The following YES1 variants were observed in gnomAD, a reference collection of about 807,000 sequenced individuals.
The protein encoded by YES1 is YES proto-oncogene 1, Src family tyrosine kinase, also known as tyrosine-protein kinase Yes.
In YES1, 39 loss-of-function variants were observed where a neutral mutation model predicts 70.4. The ratio of observed to expected loss-of-function variants is 0.55; its 90% CI spans 0.43 to 0.72. YES1 has a LOEUF of 0.72. YES1 is among the 30% of genes least tolerant of loss of function. YES1 has a pLI of 0.00. For synonymous variants in YES1, 198 were observed against 218.6 expected (o/e 0.91, Z 0.83); for missense variants, 495 against 644.8 (o/e 0.77, Z 2.52).
chr18:781,172 G>A lies in YES1; in HGVS notation c.-8-24337C>T, dbSNP rs142427187. Among the ~76,000 whole-genome samples the A allele has an allele frequency of 1.9e-3, 279 of 150,762 alleles. 1 individual carries two copies. Among genetic ancestry groups the A allele is most frequent in the Admixed American group, 3.3e-3 (50 of 14,934 alleles). ...TAATCCCAGCTACTCAGGAGGCTGA[G>A]GCAGAAGAATTGCTTGAACCTGGGA... On this transcript the variant is annotated intron_variant, in intron 1 of 11. Transcript: ENST00000314574.
intron 1 of YES1, among the ~76,000 whole-genome samples, chr18:783,653 G>A (rs548253335): frequency 3.5e-5 from 5 of 141,582 alleles, no homozygotes; most frequent in Admixed American, 2.9e-4. Context: ...TTTCACTCCT[G>A]TTGCCCAGGC....
At chr18:789,320 G>A (rs114591359) in intron 1 of YES1, among the ~76,000 whole-genome samples, 3,598 of 152,156 alleles carry the variant, frequency 0.024, 152 homozygotes, top group African/African-American at 0.082. Context: ...GGTGACTCAC[G>A]CATGTAATCC....
At chr18:757,285 C>T (rs368519340) in intron 1 of YES1, among the ~76,000 whole-genome samples, 334 of 151,706 alleles carry the variant, frequency 2.2e-3, no homozygotes, top group East Asian at 0.014. Flanking sequence ...GGGCGGATCA[C>T]GAGGTCAGGA....
chr18:809,270 A>C (rs1907252978), intron 1 of YES1, among the ~76,000 whole-genome samples: 1 of 152,182 alleles, frequency 6.6e-6, no homozygotes, highest in Non-Finnish European at 1.5e-5. Context: ...ATTTTTTCCC[A>C]AAAATTCTCT....
At chr18:787,097 T>C in intron 1 of YES1, among the ~76,000 whole-genome samples, 1 of 122,364 alleles carries the variant, frequency 8.2e-6, no homozygotes, top group South Asian at 3.1e-4. Context: ...TTTTTTTTTT[T>C]TTTTTTTTTT....
intron 1 of YES1, among the ~76,000 whole-genome samples, chr18:762,179 G>A (rs1008350804): frequency 6.6e-6 from 1 of 152,230 alleles, no homozygotes; most frequent in African/African-American, 2.4e-5. Flanking sequence ...AATTAGCTGG[G>A]CGTGGTGGCC....
Position 744,732 on chromosome 18 carries a change from C to T in YES1, c.724+976G>A, listed in dbSNP as rs190403819. Among the ~76,000 whole-genome samples the T allele has an allele frequency of 1.7e-4, 19 of 109,790 alleles. No individual in the cohort carries two copies. The Admixed American group carries it at 2.4e-3, about 14-fold the overall frequency. The allele number at this position is 109,790 out of a possible 152,430, so 72.0% of individuals were successfully genotyped here. A position where few individuals can be genotyped will look rare whatever the true frequency, so the allele number is the denominator to read the frequency against. Reference sequence around the variant, plus strand: ...TTTTTTTTTAAGAGATGAGGTCTTGCTATGTTGCCCAGGCTGTTCTTGAAC... The same window carrying T: ...TTTTTTTTTAAGAGATGAGGTCTTGTTATGTTGCCCAGGCTGTTCTTGAAC... On this transcript the variant is annotated intron_variant, in intron 6 of 11. Coordinates refer to ENST00000314574, the MANE Select transcript of YES1 (RefSeq NM_005433.4).
chr18:763,984 G>GTACA (rs1414681917), intron 1 of YES1, among the ~76,000 whole-genome samples: 1 of 151,810 alleles, frequency 6.6e-6, no homozygotes, highest in African/African-American at 2.4e-5. Context: ...AGCGGGGTGT[G>GTACA]GTGGCGGGCA....
Position 723,565 on chromosome 18 carries a change from G to T in YES1, c.*859C>A, listed in dbSNP as rs55771020. 1 of 152,450 alleles carries T rather than the reference G, an allele frequency of 6.6e-6. No individual in the cohort carries two copies. The highest frequency in any genetic ancestry group is 2.4e-5 in the African/African-American group (1 of 41,400). 9.4% of individuals were successfully genotyped at this position (152,450 alleles called of 1,614,324 possible). ...AGTACGAAGTCTAGTTTTTAAAAAG[G>T]GCTTTTAAAATGCTGGGTCTTACTT... On this transcript the variant is annotated 3_prime_UTR_variant, in exon 12 of 12. Transcript: ENST00000314574.
chr18:784,078 C>A (rs1202213584), intron 1 of YES1, among the ~76,000 whole-genome samples: 1 of 152,138 alleles, frequency 6.6e-6, no homozygotes, highest in Non-Finnish European at 1.5e-5. Context: ...TTCATTTTAA[C>A]ACACATGTTG....
chr18:743,493 T>A, intron 6 of YES1, 78 bp from the exon 7 acceptor site: 1 of 1,226,136 alleles, frequency 8.2e-7, no homozygotes, highest in Non-Finnish European at 1.1e-6. Context: ...GTTTTAAGTT[T>A]AAACTGTAGA....
Position 780,077 on chromosome 18 carries a change from T to A in YES1, c.-8-23242A>T, listed in dbSNP as rs545506868. 4.9e-4 allele frequency among the ~76,000 whole-genome samples: 75 copies of A among 152,062 alleles called. No individual in the cohort carries two copies. In the South Asian group the frequency reaches 9.8e-3, roughly 20 times the overall value. On this transcript the variant is annotated intron_variant, in intron 1 of 11. Coordinates refer to ENST00000314574, the MANE Select transcript of YES1 (RefSeq NM_005433.4). ...GGTGAAAGCTTGTCTCTACTAAAAA[T>A]ACAAAAATTAGCCAGGCGCTGTGGC...
At chr18:758,836 T>C (rs748509962) in intron 1 of YES1, among the ~76,000 whole-genome samples, 64 of 152,248 alleles carry the variant, frequency 4.2e-4, no homozygotes, top group Non-Finnish European at 4.7e-4. Flanking sequence ...TACCGTATTA[T>C]CTATCATATA....
In YES1 at chr18:732,449, A is replaced by AAC. The variant is rs1555682561; in HGVS notation, c.1423+384_1423+385insGT. On this transcript the variant is annotated intron_variant, in intron 11 of 11. Coordinates refer to ENST00000314574, the MANE Select transcript of YES1 (RefSeq NM_005433.4). ...AAGACTGTGTTTAAAAAAAAAAAAA[A>AAC]AAAAAAAACAAAACACCAATCACAC... Among the ~76,000 whole-genome samples, 39 of 146,042 alleles carry AAC rather than the reference A, an allele frequency of 2.7e-4. 1 individual carries two copies. The highest frequency in any genetic ancestry group is 4.5e-4 in the Non-Finnish European group (30 of 66,804).
At chr18:802,179 T>G (rs1472875478) in intron 1 of YES1, among the ~76,000 whole-genome samples, 1 of 152,056 alleles carries the variant, frequency 6.6e-6, no homozygotes, top group East Asian at 1.9e-4. Context: ...TGCCGAGGAG[T>G]TCGAGGCTGT....
intron 1 of YES1, among the ~76,000 whole-genome samples, chr18:781,287 T>A (rs12955492): frequency 0.11 from 13,237 of 115,454 alleles, 754 homozygotes; most frequent in Middle Eastern, 0.15. Context: ...AAAAAAAAAA[T>A]AAGAGGGCCT....
chr18:793,702 T>A (rs897191397), intron 1 of YES1, among the ~76,000 whole-genome samples: 1 of 152,182 alleles, frequency 6.6e-6, no homozygotes, highest in Non-Finnish European at 1.5e-5. Context: ...CAGATTTCTA[T>A]AGAGCAGCTA....
Position 757,259 on chromosome 18 carries a change from T to G in YES1, c.-8-424A>C, listed in dbSNP as rs187311991. ...TGGCTCACGCCTGTAATCCCAGCAC[T>G]TTGGGAGGCCAAGGCGGGCGGATCA... On this transcript the variant is annotated intron_variant, in intron 1 of 11. Transcript: ENST00000314574. Among the ~76,000 whole-genome samples the G allele has an allele frequency of 2.1e-3, 327 of 152,208 alleles. 1 individual carries two copies. The Middle Eastern group carries it at 0.024, about 11-fold the overall frequency.
chr18:775,518 C>T (rs1905334699), intron 1 of YES1, among the ~76,000 whole-genome samples: 1 of 152,192 alleles, frequency 6.6e-6, no homozygotes, highest in Non-Finnish European at 1.5e-5. Context: ...GAATCACGGC[C>T]GGATGTAGTG....
Sources: gnomAD v4.1 joint callset for allele counts (sites outside exome capture counted in the v4.1 genomes callset) on GRCh38, gnomAD v4.1.1 for gene constraint, MANE v1.5 for transcripts, NCBI Gene and HGNC (gene_info 2026-07-23, HGNC 2026-07-21) for gene names.